The following TBCK variants were observed in gnomAD, a reference collection of about 807,000 sequenced individuals.
TBCK encodes TBC domain-containing protein kinase-like protein.
Under a neutral mutation model 113.4 loss-of-function variants are expected in TBCK, and 99 were observed. The ratio of observed to expected loss-of-function variants is 0.87; its 90% CI spans 0.74 to 1.03. The LOEUF (loss-of-function observed/expected upper bound fraction) is 1.03. Among genes scored for constraint, TBCK ranks in the 50% least tolerant of loss-of-function variants. The pLI is 0.00. For synonymous variants in TBCK, 369 were observed against 370.8 expected (o/e 1.00, Z 0.05); for missense variants, 1,045 against 1,061.3 (o/e 0.98, Z 0.21).
intron 24 of TBCK, among the ~76,000 whole-genome samples, chr4:106,103,214 A>C (rs1161504539): frequency 6.6e-6 from 1 of 152,202 alleles, no homozygotes. Context: ...GAAATACTTC[A>C]GTTTTCCTCG....
chr4:106,059,983 C>T (rs1735856928), intron 25 of TBCK, among the ~76,000 whole-genome samples: 1 of 151,758 alleles, frequency 6.6e-6, no homozygotes, highest in Non-Finnish European at 1.5e-5. Flanking sequence ...CTCTTAATCA[C>T]CATCTGCAGA....
chr4:106,295,088 C>A lies in TBCK; in HGVS notation c.266+6G>T, dbSNP rs768397921. ...TTCATTTAATTGTTCTGATACTATA[C>A]AGTACCTCACAGGTTTCCTTTCTCG... On this transcript the variant is annotated splice_donor_region_variant and intron_variant, in intron 3 of 25. Transcript: ENST00000394708. The A allele has an allele frequency of 6.2e-7, 1 of 1,609,342 alleles. No individual in the cohort carries two copies. Among genetic ancestry groups the A allele is most frequent in the South Asian group, 1.1e-5 (1 of 90,430 alleles).
At chr4:106,241,440 C>T (rs539304452) in intron 12 of TBCK, among the ~76,000 whole-genome samples, 10 of 151,934 alleles carry the variant, frequency 6.6e-5, no homozygotes, top group South Asian at 6.2e-4. Context: ...AGAGTTCCTA[C>T]TCCATTTTGA....
At chr4:106,210,594 C>T (rs142608984) in intron 20 of TBCK, among the ~76,000 whole-genome samples, 1 of 152,252 alleles carries the variant, frequency 6.6e-6, no homozygotes, top group East Asian at 1.9e-4. Flanking sequence ...TTAACTGATT[C>T]CCACCTACTT....
At chr4:106,189,812 C>T (rs1465332542) in intron 22 of TBCK, among the ~76,000 whole-genome samples, 1 of 151,974 alleles carries the variant, frequency 6.6e-6, no homozygotes, top group Non-Finnish European at 1.5e-5. Flanking sequence ...GCTGCATGAT[C>T]CTTCTTTGTC....
intron 23 of TBCK, among the ~76,000 whole-genome samples, chr4:106,119,607 T>C (rs1744002183): frequency 1.3e-5 from 2 of 152,088 alleles, no homozygotes; most frequent in Non-Finnish European, 2.9e-5. Flanking sequence ...GTCTGGGAAA[T>C]GATTGTTTGG....
intron 3 of TBCK, among the ~76,000 whole-genome samples, chr4:106,269,210 C>T (rs1053322503): frequency 1.1e-4 from 17 of 152,070 alleles, no homozygotes; most frequent in African/African-American, 4.1e-4. Context: ...AAATAAAATG[C>T]TTACTAATGA....
At chr4:106,296,782 G>A (rs996811540) in intron 2 of TBCK, among the ~76,000 whole-genome samples, 1 of 151,792 alleles carries the variant, frequency 6.6e-6, no homozygotes, top group African/African-American at 2.4e-5. Context: ...AGAGAGGTGA[G>A]CAGGAATATT....
chr4:106,153,835 T>C (rs1748810592), intron 23 of TBCK, among the ~76,000 whole-genome samples: 1 of 152,134 alleles, frequency 6.6e-6, no homozygotes, highest in African/African-American at 2.4e-5. Context: ...AGAGTTTTTT[T>C]TTTCCTTGAA....
chr4:106,058,472 C>T (rs1363226960), intron 25 of TBCK, among the ~76,000 whole-genome samples: 1 of 151,664 alleles, frequency 6.6e-6, no homozygotes, highest in Non-Finnish European at 1.5e-5. Context: ...TAGTTCCAGA[C>T]TTGAGTTGTT....
At chr4:106,240,507 C>A (rs1759976570) in intron 12 of TBCK, among the ~76,000 whole-genome samples, 1 of 151,826 alleles carries the variant, frequency 6.6e-6, no homozygotes, top group Non-Finnish European at 1.5e-5. Context: ...ATAAAAAAAT[C>A]AATTGTGTTA....
Position 106,095,493 on chromosome 4 carries a change from G to A in TBCK, c.2560C>T (p.His854Tyr). The change falls in exon 25 of 26, where the codon CAC (histidine) becomes TAC (tyrosine). Residue 854 changes from histidine to tyrosine, a missense_variant. Coordinates refer to ENST00000394708, the MANE Select transcript of TBCK (RefSeq NM_001163435.3). The part of the protein sequence containing the change: ...VIVIVGHVAK[H>Y]TAEFAAHLVK... ...CTGAATATACTTACCTCAGCTGTGTGTTTTGCCACATGCCCCACGATGACA... is the reference window on the plus strand; with the variant it reads ...CTGAATATACTTACCTCAGCTGTGTATTTTGCCACATGCCCCACGATGACA... 6.2e-7 allele frequency: 1 copy of A among 1,613,832 alleles called. No individual in the cohort carries two copies. The highest frequency in any genetic ancestry group is 8.5e-7 in the Non-Finnish European group (1 of 1,179,862).
chr4:106,091,970 A>G lies in TBCK; in HGVS notation c.2571+3512T>C, dbSNP rs1052887174. On this transcript the variant is annotated intron_variant, in intron 25 of 25. Coordinates refer to ENST00000394708, the MANE Select transcript of TBCK (RefSeq NM_001163435.3). The stretch of plus-strand genomic sequence containing the variant: ...ATTTACAATCCCTGAGCTAGACACA[A>G]AAGTTCTCCACCTCCCCACTAGATT... Among the ~76,000 whole-genome samples the G allele has an allele frequency of 1.1e-4, 16 of 152,044 alleles. 1 individual carries two copies. The highest frequency in any genetic ancestry group is 3.4e-4 in the African/African-American group (14 of 41,396).
intron 23 of TBCK, among the ~76,000 whole-genome samples, chr4:106,162,436 A>T (rs1405212163): frequency 6.6e-6 from 1 of 152,032 alleles, no homozygotes; most frequent in Non-Finnish European, 1.5e-5. Flanking sequence ...CCCTCTTCTC[A>T]CTGCTCCACT....
At chr4:106,121,818 G>A (rs1408255105) in intron 23 of TBCK, among the ~76,000 whole-genome samples, 1 of 152,034 alleles carries the variant, frequency 6.6e-6, no homozygotes, top group Non-Finnish European at 1.5e-5. Context: ...GATGTTCTTT[G>A]AAACCAACGA....
intron 23 of TBCK, among the ~76,000 whole-genome samples, chr4:106,156,999 G>A (rs1749204685): frequency 6.6e-6 from 1 of 152,108 alleles, no homozygotes; most frequent in Admixed American, 6.5e-5. Context: ...TCTCAGAGTG[G>A]CATACTACCT....
At chr4:106,223,904 CAATT>C (rs1757964119) in intron 19 of TBCK, among the ~76,000 whole-genome samples, 2 of 152,094 alleles carry the variant, frequency 1.3e-5, no homozygotes, top group African/African-American at 4.8e-5. Context: ...TTTTTCCATA[CAATT>C]AATACTCTAA....
chr4:106,229,181 T>C (rs950711992), intron 19 of TBCK, among the ~76,000 whole-genome samples: 21 of 152,098 alleles, frequency 1.4e-4, no homozygotes, highest in African/African-American at 5.1e-4. Flanking sequence ...AAACATTTTC[T>C]CCCATTCTGT....
At chr4:106,079,713 C>T (rs1357773182) in intron 25 of TBCK, among the ~76,000 whole-genome samples, 1 of 152,086 alleles carries the variant, frequency 6.6e-6, no homozygotes, top group Non-Finnish European at 1.5e-5. Context: ...GTGTATTAGT[C>T]TGTTCTTGCA....
Sources: allele counts gnomAD v4.1 joint callset (sites outside exome capture counted in the v4.1 genomes callset), GRCh38; gene constraint gnomAD v4.1.1; transcripts MANE v1.5; gene names NCBI Gene and HGNC (gene_info 2026-07-23, HGNC 2026-07-21).